Variants in CPD observed in about 807,000 individuals in gnomAD.
CPD encodes metallocarboxypeptidase D.
CPD carries 69 observed loss-of-function variants against 138.3 expected under a neutral mutation model. The observed-to-expected ratio is 0.50, with a 90% CI of 0.41 to 0.61. The LOEUF is 0.61. CPD is among the 20% of genes least tolerant of loss of function. The pLI is 0.00. For missense variants in CPD, 1,432 were observed against 1,733.3 expected, an observed-to-expected ratio of 0.83 and a Z score of 3.09; for synonymous variants, 651 against 642.1, an observed-to-expected ratio of 1.01 and a Z score of -0.21.
Position 30,462,004 on chromosome 17 carries a change from C to T in CPD, c.3758C>T (p.Ala1253Val), listed in dbSNP as rs753433254. 2.0e-5 allele frequency: 32 copies of T among 1,613,726 alleles called. No homozygotes were observed. Among genetic ancestry groups the T allele is most frequent in the Middle Eastern group, 1.6e-4 (1 of 6,082 alleles). ...GGAGGTTATTTCCATGTACTCTTAGCGCCAGGTGTCCATAACATTATTGCC... is the reference window on the plus strand; with the variant it reads ...GGAGGTTATTTCCATGTACTCTTAGTGCCAGGTGTCCATAACATTATTGCC... ...KEGGYFHVLL[A>V]PGVHNIIAIA... The change falls in exon 19 of 21, where the codon GCG becomes GTG. Residue 1253 changes from alanine to valine, a missense_variant. This residue lies in a region of CPD where 366 missense variants were observed against 518.8 expected (regional missense o/e 0.71). Transcript: ENST00000225719.
intron 2 of CPD, among the ~76,000 whole-genome samples, chr17:30,401,396 TTCC>T (rs1305059995): frequency 4.4e-4 from 67 of 150,850 alleles, no homozygotes; most frequent in South Asian, 4.2e-4. Flanking sequence ...CTTCCTCTTC[TTCC>T]TCCTCCTCTT....
At chr17:30,394,239 C>T (rs1488037555) in intron 2 of CPD, among the ~76,000 whole-genome samples, 2 of 143,784 alleles carry the variant, frequency 1.4e-5, no homozygotes, top group Admixed American at 7.3e-5. Context: ...AGCATGGGAG[C>T]GAAGATCCCA....
intron 9 of CPD, among the ~76,000 whole-genome samples, chr17:30,439,394 C>CTTTTTTTTTTTTTTTTTTTTTTT (rs71138889): frequency 8.0e-6 from 1 of 124,670 alleles, no homozygotes; most frequent in African/African-American, 3.1e-5. Context: ...ACGTTACTTT[C>CTTTTTTTTTTTTTTTTTTTTTTT]TTTTTTTTTT....
chr17:30,453,330 A>G (rs1460231391), intron 14 of CPD, among the ~76,000 whole-genome samples: 1 of 152,194 alleles, frequency 6.6e-6, no homozygotes, highest in South Asian at 2.1e-4. Context: ...AATGGGAGAA[A>G]TTGGCCAAAA....
At chr17:30,399,888 G>A (rs1168083508) in intron 2 of CPD, among the ~76,000 whole-genome samples, 1 of 152,154 alleles carries the variant, frequency 6.6e-6, no homozygotes, top group Non-Finnish European at 1.5e-5. Flanking sequence ...TACTCGAGAG[G>A]CTGAGGCAAG....
intron 2 of CPD, among the ~76,000 whole-genome samples, chr17:30,415,196 T>C (rs533382144): frequency 1.3e-5 from 2 of 152,314 alleles, no homozygotes; most frequent in East Asian, 1.9e-4. Flanking sequence ...CCCGTCCTCT[T>C]TGTCTCCACT....
chr17:30,421,598 GAGA>G, intron 3 of CPD, 63 bp from the exon 4 acceptor site: 1 of 1,421,482 alleles, frequency 7.0e-7, no homozygotes, highest in Non-Finnish European at 9.9e-7. Context: ...TATCGGTGCA[GAGA>G]GAAATTATGC....
At chr17:30,462,086 A>G in intron 19 of CPD, 24 bp downstream of exon 19, 1 of 1,571,378 alleles carries the variant, frequency 6.4e-7, no homozygotes, top group Non-Finnish European at 8.6e-7. Flanking sequence ...ATTGAGTAGC[A>G]TCATGTAAAT....
chr17:30,391,958 AT>A (rs1333831574), intron 2 of CPD, among the ~76,000 whole-genome samples: 2 of 151,084 alleles, frequency 1.3e-5, no homozygotes, highest in African/African-American at 4.9e-5. Flanking sequence ...GAATAAATGA[AT>A]TTTTGCCATC....
At chr17:30,420,370 C>T (rs1912233989) in intron 2 of CPD, among the ~76,000 whole-genome samples, 1 of 152,180 alleles carries the variant, frequency 6.6e-6, no homozygotes, top group African/African-American at 2.4e-5. Flanking sequence ...TGCTTCACAA[C>T]TTTGAGATGT....
chr17:30,456,342 A>C lies in CPD; in HGVS notation c.3424A>C (p.Asn1142His). 6.2e-7 allele frequency: 1 copy of C among 1,614,128 alleles called. No individual in the cohort carries two copies. The highest frequency in any genetic ancestry group is 8.5e-7 in the Non-Finnish European group (1 of 1,179,946). ...GCACATGGGTCAGCCCAGTTGCCCA[A>C]ATAAATCAGGTAGATGTTTTCCATA... ...SMHMGQPSCP[N>H]KSDENIPGGV... The change falls in exon 16 of 21, where the codon AAT becomes CAT. Residue 1142 changes from asparagine (N) to histidine (H), a missense_variant. By Grantham distance (68) the Asn-to-His change is moderately conservative (BLOSUM62 1). Transcript: ENST00000225719.
chr17:30,386,810 A>G (rs555038403), intron 2 of CPD, among the ~76,000 whole-genome samples: 2 of 152,332 alleles, frequency 1.3e-5, no homozygotes, highest in South Asian at 4.1e-4. Context: ...TAGCTGAATA[A>G]TATTCCTTGA....
At chr17:30,446,828 C>A (rs184255899) in intron 12 of CPD, among the ~76,000 whole-genome samples, 2 of 152,212 alleles carry the variant, frequency 1.3e-5, no homozygotes, top group Non-Finnish European at 2.9e-5. Flanking sequence ...CACATCCTCT[C>A]CAGCACCTGT....
Position 30,416,193 on chromosome 17 carries a change from G to C in CPD, c.995-4648G>C, listed in dbSNP as rs571684764. ...AAAAAAAATACAAAATTAGCCGGGC[G>C]TAGTGCTGCATGCCTGTAATCTCAG... On this transcript the variant is annotated intron_variant, in intron 2 of 20. Transcript: ENST00000225719. Among the ~76,000 whole-genome samples the C allele has an allele frequency of 2.0e-5, 3 of 152,266 alleles. No homozygotes were observed. The South Asian group carries it at 6.2e-4, about 32-fold the overall frequency.
chr17:30,396,898 C>T (rs1471211182), intron 2 of CPD, among the ~76,000 whole-genome samples: 1 of 150,524 alleles, frequency 6.6e-6, no homozygotes, highest in Non-Finnish European at 1.5e-5. Context: ...CATACGTATT[C>T]TTTCCTAAAA....
intron 3 of CPD, 25 bp from the exon 4 acceptor site, chr17:30,421,639 T>C (rs780673294): frequency 3.7e-6 from 6 of 1,609,756 alleles, no homozygotes; most frequent in Non-Finnish European, 5.1e-6. Flanking sequence ...TCACCGTCTC[T>C]GAGCTTGGAT....
chr17:30,392,520 C>A (rs1227375569), intron 2 of CPD, among the ~76,000 whole-genome samples: 1 of 152,030 alleles, frequency 6.6e-6, no homozygotes, highest in Non-Finnish European at 1.5e-5. Flanking sequence ...TAAAAAATTT[C>A]ATGGAACAAT....
intron 2 of CPD, among the ~76,000 whole-genome samples, chr17:30,389,148 G>T (rs1376539730): frequency 1.3e-5 from 2 of 152,326 alleles, no homozygotes; most frequent in East Asian, 3.9e-4. Context: ...AGGGCAGCGG[G>T]CTCTGGGGGG....
At chr17:30,426,215 A>C (rs1005424650) in intron 6 of CPD, among the ~76,000 whole-genome samples, 24 of 152,148 alleles carry the variant, frequency 1.6e-4, no homozygotes, top group South Asian at 2.1e-4. Flanking sequence ...AAAAAAAAAA[A>C]AAAAGAGGTA....
Sources: allele counts gnomAD v4.1 joint callset (sites outside exome capture counted in the v4.1 genomes callset), GRCh38; gene constraint gnomAD v4.1.1; regional missense constraint gnomAD v4.1.1; transcripts MANE v1.5; gene names NCBI Gene and HGNC (gene_info 2026-07-23, HGNC 2026-07-21).